The following CDC14A variants were observed in gnomAD, a reference collection of about 807,000 sequenced individuals.
The protein encoded by CDC14A is cell division cycle 14A.
Under a neutral mutation model 74.4 loss-of-function variants are expected in CDC14A, and 53 were observed. The ratio of observed to expected loss-of-function variants is 0.71; its 90% CI spans 0.57 to 0.89. CDC14A has a LOEUF of 0.89. CDC14A is among the 40% of genes least tolerant of loss of function. The pLI is 0.00. For synonymous variants in CDC14A, 247 were observed against 258.4 expected, an observed-to-expected ratio of 0.96 and a Z score of 0.43; for missense variants, 646 against 713.7, an observed-to-expected ratio of 0.91 and a Z score of 1.08.
intron 4 of CDC14A, among the ~76,000 whole-genome samples, chr1:100,402,297 T>C (rs1033913379): frequency 1.3e-5 from 2 of 152,200 alleles, no homozygotes; most frequent in African/African-American, 2.4e-5. Context: ...GGACTATCAG[T>C]GTTCCATTTT....
At chr1:100,411,851 G>A (rs1435361993) in intron 4 of CDC14A, among the ~76,000 whole-genome samples, 2 of 152,172 alleles carry the variant, frequency 1.3e-5, no homozygotes, top group Non-Finnish European at 2.9e-5. Flanking sequence ...AGTGATAATG[G>A]CAAGTTGGTG....
rs371125599 is a variant in CDC14A, at chr1:100,450,440, C to T, written c.520-4965C>T. 1.1e-4 allele frequency among the ~76,000 whole-genome samples: 16 copies of T among 152,232 alleles called. No individual in the cohort carries two copies. The East Asian group carries it at 2.7e-3, about 26-fold the overall frequency. ...TGGAAATAATGGGACTGCCATAGGA[C>T]TGGGGTCAAGCAGTCCTCAGAATGC... On this transcript the variant is annotated intron_variant, in intron 7 of 15. Coordinates refer to ENST00000336454, the MANE Select transcript of CDC14A (RefSeq NM_003672.4).
Position 100,508,890 on chromosome 1 carries a change from G to C in CDC14A, c.1756-9361G>C, listed in dbSNP as rs554064995. On this transcript the variant is annotated intron_variant, in intron 15 of 15. Coordinates refer to ENST00000336454, the MANE Select transcript of CDC14A (RefSeq NM_003672.4). The surrounding 1 kb of genome is among the most constrained non-coding windows in gnomAD (Gnocchi z 4.4). ...TGATCTTGCTTTTAATTTCTGCTGT[G>C]CCCTTTCTTTCTTCTTCATCTTTAA... Among the ~76,000 whole-genome samples the C allele has an allele frequency of 6.6e-6, 1 of 152,294 alleles. No homozygotes were observed. The highest frequency in any genetic ancestry group is 2.1e-4 in the South Asian group (1 of 4,820).
Position 100,461,217 on chromosome 1 carries a change from C to T in CDC14A, c.608-1434C>T, listed in dbSNP as rs374961731. ...CAGGAGGACAGGAAGAATTCCCTTC[C>T]TCCTCCTCAGGTTGAGGTTTAGTGC... On this transcript the variant is annotated intron_variant, in intron 8 of 15. Coordinates refer to ENST00000336454, the MANE Select transcript of CDC14A (RefSeq NM_003672.4). 1.9e-4 allele frequency among the ~76,000 whole-genome samples: 29 copies of T among 152,282 alleles called. 1 individual carries two copies. The highest frequency in any genetic ancestry group is 1.7e-3 in the East Asian group (9 of 5,178).
At position 100,494,804 on chromosome 1, in the gene CDC14A, G is replaced by T. The variant is rs1647542450; in HGVS notation, c.1138-14G>T. ...AAATTTTGACCTTTCTATGGAACGTGTATTTTTTTCCAGGATAACTTAGAA... is the reference window on the plus strand; with the variant it reads ...AAATTTTGACCTTTCTATGGAACGTTTATTTTTTTCCAGGATAACTTAGAA... On this transcript the variant is annotated splice_polypyrimidine_tract_variant and intron_variant, in intron 11 of 15. Transcript: ENST00000336454. 6.6e-7 allele frequency: 1 copy of T among 1,517,254 alleles called. No homozygotes were observed. Among genetic ancestry groups the T allele is most frequent in the Admixed American group, 1.7e-5 (1 of 59,510 alleles). 94.0% of individuals were successfully genotyped at this position (1,517,254 alleles called of 1,614,324 possible). A position where few individuals can be genotyped will look rare whatever the true frequency, so the allele number is the denominator to read the frequency against.
intron 2 of CDC14A, among the ~76,000 whole-genome samples, chr1:100,364,567 A>G (rs985623136): frequency 1.3e-5 from 2 of 152,144 alleles, no homozygotes; most frequent in African/African-American, 4.8e-5. Context: ...AGCCTCAGCC[A>G]CTTTATGAAA....
chr1:100,505,755 G>C (rs1251448343), intron 15 of CDC14A, among the ~76,000 whole-genome samples: 1 of 152,122 alleles, frequency 6.6e-6, no homozygotes, highest in Non-Finnish European at 1.5e-5. Flanking sequence ...TTATTCGTCT[G>C]CTTTTGTCGC....
At chr1:100,506,621 G>C (rs1270530668) in intron 15 of CDC14A, among the ~76,000 whole-genome samples, 1 of 152,156 alleles carries the variant, frequency 6.6e-6, no homozygotes, top group African/African-American at 2.4e-5. Flanking sequence ...CCTGTCAGCT[G>C]TTTTTGACTG....
intron 10 of CDC14A, among the ~76,000 whole-genome samples, chr1:100,482,474 C>A (rs1557809693): frequency 6.6e-6 from 1 of 152,094 alleles, no homozygotes; most frequent in East Asian, 1.9e-4. Context: ...CTCATCTTTC[C>A]AGATACTTCT....
chr1:100,497,637 T>C lies in CDC14A; in HGVS notation c.1299-448T>C, dbSNP rs994058963. On this transcript the variant is annotated intron_variant, in intron 13 of 15. Transcript: ENST00000336454. ...GCAGGGTGAAAAGAAGAGGATGGAT[T>C]TGACATATAAGAAGTGGAATCTAAG... 2.6e-5 allele frequency among the ~76,000 whole-genome samples: 4 copies of C among 152,240 alleles called. No homozygotes were observed. The East Asian group carries it at 7.7e-4, about 29-fold the overall frequency.
At chr1:100,371,742 A>G (rs1221833112) in intron 2 of CDC14A, among the ~76,000 whole-genome samples, 1 of 152,162 alleles carries the variant, frequency 6.6e-6, no homozygotes, top group African/African-American at 2.4e-5. Context: ...TGCTTTCCCA[A>G]AATTTATTCA....
At chr1:100,517,584 C>G (rs1650338557) in intron 15 of CDC14A, among the ~76,000 whole-genome samples, 1 of 152,114 alleles carries the variant, frequency 6.6e-6, no homozygotes, top group Non-Finnish European at 1.5e-5. Context: ...AATCACAATC[C>G]TTTTATATGT....
chr1:100,393,090 A>G (rs1657936333), intron 4 of CDC14A: 1 of 1,440,824 alleles, frequency 6.9e-7, no homozygotes, highest in Non-Finnish European at 9.8e-7. Flanking sequence ...GTTTAATTTG[A>G]TAGATTTCAT....
At chr1:100,512,822 A>G (rs1297901372) in intron 15 of CDC14A, among the ~76,000 whole-genome samples, 1 of 152,176 alleles carries the variant, frequency 6.6e-6, no homozygotes, top group Non-Finnish European at 1.5e-5. Context: ...TTTAACACAA[A>G]CCTTCATCCT....
chr1:100,426,418 T>C (rs1451003370), intron 5 of CDC14A, among the ~76,000 whole-genome samples: 1 of 152,120 alleles, frequency 6.6e-6, no homozygotes, highest in Non-Finnish European at 1.5e-5. Flanking sequence ...AGTCAAGAAC[T>C]AGAATTTTAA....
intron 15 of CDC14A, among the ~76,000 whole-genome samples, chr1:100,511,321 C>T (rs1649761598): frequency 6.6e-6 from 1 of 152,160 alleles, no homozygotes; most frequent in African/African-American, 2.4e-5. Context: ...CCTCCCTTGT[C>T]TCTTTGATAC....
At chr1:100,404,066 A>G (rs1557721772) in intron 4 of CDC14A, among the ~76,000 whole-genome samples, 3 of 152,178 alleles carry the variant, frequency 2.0e-5, no homozygotes, top group Admixed American at 6.5e-5. Context: ...AAGTGAATAA[A>G]TTCATTAAAC....
At position 100,518,357 on chromosome 1, in the gene CDC14A, G is replaced by C; in HGVS notation, c.*77G>C. On this transcript the variant is annotated 3_prime_UTR_variant, in exon 16 of 16. Coordinates refer to ENST00000336454, the MANE Select transcript of CDC14A (RefSeq NM_003672.4). ...TCTGGACGAGCAGTGGAGAGGGAAA[G>C]CAACTTCTTGCTGGAAGAATATCTC... 1 of 1,125,990 alleles carries C rather than the reference G, an allele frequency of 8.9e-7. No individual in the cohort carries two copies. Among genetic ancestry groups the C allele is most frequent in the East Asian group, 2.4e-5 (1 of 42,382 alleles). 69.7% of individuals were successfully genotyped at this position (1,125,990 alleles called of 1,614,324 possible).
chr1:100,402,667 G>A lies in CDC14A; in HGVS notation c.309+11843G>A, dbSNP rs192632073. ...AGTTGGAGAATCTGAACCCAGAGAGGTCGAGTACCTTGTCCAAGATCAAAC... is the reference window on the plus strand; with the variant it reads ...AGTTGGAGAATCTGAACCCAGAGAGATCGAGTACCTTGTCCAAGATCAAAC... On this transcript the variant is annotated intron_variant, in intron 4 of 15. Coordinates refer to ENST00000336454, the MANE Select transcript of CDC14A (RefSeq NM_003672.4). Among the ~76,000 whole-genome samples the A allele has an allele frequency of 2.6e-5, 4 of 152,254 alleles. 1 individual carries two copies. The highest frequency in any genetic ancestry group is 2.6e-4 in the Admixed American group (4 of 15,288).
Sources: allele counts gnomAD v4.1 joint callset (sites outside exome capture counted in the v4.1 genomes callset), GRCh38; gene constraint gnomAD v4.1.1; non-coding constraint Gnocchi (gnomAD v3.1); transcripts MANE v1.5; gene names NCBI Gene and HGNC (gene_info 2026-07-23, HGNC 2026-07-21).